The following PFKFB2 variants were observed in gnomAD, a reference collection of about 807,000 sequenced individuals.
The protein encoded by PFKFB2 is 6-phosphofructo-2-kinase/fructose-2,6-biphosphatase 2.
PFKFB2 carries 53 observed loss-of-function variants against 68.0 expected under a neutral mutation model. The ratio of observed to expected loss-of-function variants is 0.78; its 90% CI spans 0.63 to 0.98. The LOEUF (loss-of-function observed/expected upper bound fraction) is 0.98, where lower values mean the gene tolerates loss of function less well. PFKFB2 is among the 50% of genes least tolerant of loss of function. The pLI, the probability that PFKFB2 is intolerant of heterozygous loss-of-function variation, is 0.00. For synonymous variants in PFKFB2, 222 were observed against 227.6 expected (o/e 0.98, Z 0.22); for missense variants, 451 against 642.0 (o/e 0.70, Z 3.22).
chr1:207,049,124 G>C, upstream of PFKFB2: 1 of 1,613,816 alleles, frequency 6.2e-7, no homozygotes, highest in Non-Finnish European at 8.5e-7. Flanking sequence ...AGGGTGAAGC[G>C]GTTGACATCA....
Position 207,061,999 on chromosome 1 carries a change from T to C in PFKFB2, c.132T>C (p.Ile44=). The C allele has an allele frequency of 1.2e-6, 2 of 1,614,238 alleles. No homozygotes were observed. Among genetic ancestry groups the C allele is most frequent in the Non-Finnish European group, 1.7e-6 (2 of 1,180,034 alleles). The change falls in exon 3 of 15, where the codon ATT becomes ATC. Residue 44 remains isoleucine (I), a synonymous_variant. Coordinates refer to ENST00000367080, the MANE Select transcript of PFKFB2 (RefSeq NM_006212.2). ...ACTCCCCGACTCTGATCGTTATGAT[T>C]GGTTTGCCAGCCCGGGGTAAAACCT... ...MTNSPTLIVM[I]GLPARGKTYV...
In PFKFB2 at chr1:207,073,214, T is replaced by TG. The variant is rs1683519976; in HGVS notation, c.*843_*844insG. ...AAATGTCTTGGTTTTTATTTTTAAT[T>TG]TAGAGTCAGGCCTGGGTCTTTTGAG... On this transcript the variant is annotated 3_prime_UTR_variant, in exon 15 of 15. Coordinates refer to ENST00000367080, the MANE Select transcript of PFKFB2 (RefSeq NM_006212.2). The TG allele has an allele frequency of 1.0e-6, 1 of 985,446 alleles. No homozygotes were observed. Among genetic ancestry groups the TG allele is most frequent in the Non-Finnish European group, 1.2e-6 (1 of 830,044 alleles). The allele number at this position is 985,446 out of a possible 1,614,324, so 61.0% of individuals were successfully genotyped here.
intron 1 of PFKFB2, among the ~76,000 whole-genome samples, chr1:207,035,552 G>A (rs1682359057): frequency 6.6e-6 from 1 of 152,084 alleles, no homozygotes; most frequent in Admixed American, 6.6e-5. Flanking sequence ...TGCTCGTGGG[G>A]TGAGGCGAAA....
At position 207,075,001 on chromosome 1, in the gene PFKFB2, G is replaced by A; in HGVS notation, c.*2630G>A. 1.0e-6 allele frequency: 1 copy of A among 985,450 alleles called. No individual in the cohort carries two copies. Among genetic ancestry groups the A allele is most frequent in the Admixed American group, 6.1e-5 (1 of 16,282 alleles). 61.0% of individuals were successfully genotyped at this position (985,450 alleles called of 1,614,324 possible). The stretch of plus-strand genomic sequence containing the variant: ...CATTGTCCACATTTGCTTGGATGGT[G>A]GCATCTGTAGCCCAAATGGGCATTC... On this transcript the variant is annotated 3_prime_UTR_variant, in exon 15 of 15. Coordinates refer to ENST00000367080, the MANE Select transcript of PFKFB2 (RefSeq NM_006212.2).
intron 8 of PFKFB2, among the ~76,000 whole-genome samples, chr1:207,066,013 G>A (rs1458423172): frequency 2.0e-5 from 3 of 152,234 alleles, no homozygotes; most frequent in East Asian, 3.9e-4. Flanking sequence ...ATGCTTGTGT[G>A]TATATCATGC....
chr1:207,074,499 G>A lies in PFKFB2; in HGVS notation c.*2128G>A. On this transcript the variant is annotated 3_prime_UTR_variant, in exon 15 of 15. Transcript: ENST00000367080. ...AGACCCTGCCAGGATGATAAAGGTTGTCATCACTGGCAACTGACTCCTGAC... is the reference window on the plus strand; with the variant it reads ...AGACCCTGCCAGGATGATAAAGGTTATCATCACTGGCAACTGACTCCTGAC... The A allele has an allele frequency of 1.0e-6, 1 of 985,402 alleles. No individual in the cohort carries two copies. Among genetic ancestry groups the A allele is most frequent in the African/African-American group, 1.7e-5 (1 of 57,360 alleles). The allele number at this position is 985,402 out of a possible 1,614,324, so 61.0% of individuals were successfully genotyped here.
chr1:207,041,824 G>T (rs1422838534), intron 1 of PFKFB2, among the ~76,000 whole-genome samples: 1 of 152,140 alleles, frequency 6.6e-6, no homozygotes, highest in Non-Finnish European at 1.5e-5. Context: ...TTCCACAATG[G>T]TTGAACTAAT....
At position 207,072,819 on chromosome 1, in the gene PFKFB2, G is replaced by A. The variant is rs1023586755; in HGVS notation, c.*448G>A. On this transcript the variant is annotated 3_prime_UTR_variant, in exon 15 of 15. Transcript: ENST00000367080. ...TTTCCTTCACTTTTGTCTCTTCAAT[G>A]TGTGTTTTCCTCACACTCCTTACTT... 4 of 992,720 alleles carry A rather than the reference G, an allele frequency of 4.0e-6. No homozygotes were observed. The highest frequency in any genetic ancestry group is 4.8e-6 in the Non-Finnish European group (4 of 834,766). The allele number at this position is 992,720 out of a possible 1,614,324, so 61.5% of individuals were successfully genotyped here.
At chr1:207,066,055 G>A (rs1457363378) in intron 8 of PFKFB2, among the ~76,000 whole-genome samples, 2 of 152,088 alleles carry the variant, frequency 1.3e-5, no homozygotes, top group Non-Finnish European at 2.9e-5. Context: ...ATTACATATT[G>A]CATATTTTTA....
At chr1:207,068,513 T>A (rs371501961) in intron 10 of PFKFB2, among the ~76,000 whole-genome samples, 84 of 152,256 alleles carry the variant, frequency 5.5e-4, no homozygotes, top group African/African-American at 1.9e-3. Flanking sequence ...TCAGTACCTG[T>A]GCCAATCATG....
rs762300538 is a variant in PFKFB2 at position 207,076,528 on chromosome 1, C to A, written c.*4157C>A. ...GGTTGCAGCACTGGTGGGGTAGAATCGACTTTCCCTGAAGGTGACACAGAT... is the reference window on the plus strand; with the variant it reads ...GGTTGCAGCACTGGTGGGGTAGAATAGACTTTCCCTGAAGGTGACACAGAT... On this transcript the variant is annotated 3_prime_UTR_variant, in exon 15 of 15. Coordinates refer to ENST00000367080, the MANE Select transcript of PFKFB2 (RefSeq NM_006212.2). 18 of 970,672 alleles carry A rather than the reference C, an allele frequency of 1.9e-5. No homozygotes were observed. The highest frequency in any genetic ancestry group is 2.1e-5 in the Non-Finnish European group (17 of 823,936). The allele number at this position is 970,672 out of a possible 1,614,324, so 60.1% of individuals were successfully genotyped here.
chr1:207,060,569 A>G (rs1262838419), intron 2 of PFKFB2, among the ~76,000 whole-genome samples: 1 of 152,174 alleles, frequency 6.6e-6, no homozygotes, highest in African/African-American at 2.4e-5. Context: ...CTGAGTGAAA[A>G]GGCCAAAACA....
At chr1:207,068,694 T>C (rs974250532) in intron 10 of PFKFB2, among the ~76,000 whole-genome samples, 3 of 152,100 alleles carry the variant, frequency 2.0e-5, no homozygotes, top group Admixed American at 6.5e-5. Flanking sequence ...GAAAAGTTTT[T>C]CCCAAAATTT....
chr1:207,064,002 C>G (rs867806857), intron 7 of PFKFB2, among the ~76,000 whole-genome samples, 173 bp downstream of exon 7: 4 of 152,102 alleles, frequency 2.6e-5, no homozygotes, highest in Middle Eastern at 3.4e-3. Context: ...GCCAGAGCCC[C>G]ATCTGGTACT....
At chr1:207,061,312 G>A (rs191270782) in intron 2 of PFKFB2, among the ~76,000 whole-genome samples, 38 of 149,622 alleles carry the variant, frequency 2.5e-4, no homozygotes, top group African/African-American at 7.9e-4. Flanking sequence ...GGCATGAGCT[G>A]TCATGTCTGG....
chr1:207,052,283 C>T (rs745552425), upstream of PFKFB2: 1 of 1,537,890 alleles, frequency 6.5e-7, no homozygotes, highest in South Asian at 1.1e-5. Context: ...GTGCAATTTT[C>T]CTCCTTGGTT....
chr1:207,055,451 A>G (rs1252275309), intron 2 of PFKFB2, among the ~76,000 whole-genome samples: 1 of 152,044 alleles, frequency 6.6e-6, no homozygotes, highest in Non-Finnish European at 1.5e-5. Flanking sequence ...TTGCGAGGAG[A>G]TGAAGCATCA....
chr1:207,061,093 A>T (rs1312169771), intron 2 of PFKFB2, among the ~76,000 whole-genome samples: 1 of 107,004 alleles, frequency 9.3e-6, no homozygotes, highest in African/African-American at 4.8e-5. Context: ...ATCTTTATAT[A>T]TATCTTTATA....
chr1:207,047,360 CTCTTA>C (rs928690902), intron 2 of PFKFB2: 2 of 152,496 alleles, frequency 1.3e-5, no homozygotes, highest in African/African-American at 4.8e-5. Context: ...AAGTTCTTTT[CTCTTA>C]TATTGTTCAA....
Sources: allele counts gnomAD v4.1 joint callset (sites outside exome capture counted in the v4.1 genomes callset), GRCh38; gene constraint gnomAD v4.1.1; transcripts MANE v1.5; gene names NCBI Gene and HGNC (gene_info 2026-07-23, HGNC 2026-07-21).